Variants in AAAS observed in about 807,000 individuals in gnomAD.
AAAS encodes the protein aladin.
AAAS carries 60 observed loss-of-function variants against 75.6 expected under a neutral mutation model. The ratio of observed to expected loss-of-function variants is 0.79; its 90% confidence interval spans 0.64 to 0.98. The LOEUF (loss-of-function observed/expected upper bound fraction) is 0.98. Among genes scored for constraint, AAAS ranks in the 50% least tolerant of loss-of-function variants. The probability of loss-of-function intolerance (pLI) is 0.00; values close to 1 mark genes in which losing one functional copy is unlikely to be tolerated. For synonymous variants in AAAS, 271 were observed against 265.0 expected (o/e 1.02, Z -0.22); for missense variants, 658 against 686.9 (o/e 0.96, Z 0.47).
intron 2 of AAAS, among the ~76,000 whole-genome samples, chr12:53,318,530 A>T (rs1208840530): frequency 1.3e-5 from 2 of 152,116 alleles, no homozygotes; most frequent in African/African-American, 4.8e-5. Flanking sequence ...GCATTTTTAG[A>T]TGAGAGAACA....
rs149864679 is a variant in AAAS, at chr12:53,321,595, G to C, written c.-130C>G. On this transcript the variant is annotated 5_prime_UTR_variant, in exon 1 of 16. Coordinates refer to ENST00000209873, the MANE Select transcript of AAAS (RefSeq NM_015665.6). ...TACCGCAAGGGACAAACGGCGAGGCGGAACTCAACGGAAGTGAAGAAAAGA... is the reference window on the plus strand; with the variant it reads ...TACCGCAAGGGACAAACGGCGAGGCCGAACTCAACGGAAGTGAAGAAAAGA... 8 of 1,489,560 alleles carry C rather than the reference G, an allele frequency of 5.4e-6. No homozygotes were observed. The highest frequency in any genetic ancestry group is 7.4e-6 in the Non-Finnish European group (8 of 1,082,436). The allele number at this position is 1,489,560 out of a possible 1,614,324, so 92.3% of individuals were successfully genotyped here.
intron 7 of AAAS, among the ~76,000 whole-genome samples, chr12:53,312,826 A>ACATATATATGTGTAT (rs1332423969): frequency 1.7e-5 from 2 of 116,048 alleles, no homozygotes; most frequent in Admixed American, 1.9e-4. Context: ...TATATATATA[A>ACATATATATGTGTAT]AACATATATG....
intron 14 of AAAS, 32 bp downstream of exon 14, chr12:53,308,020 A>G: frequency 6.2e-7 from 1 of 1,613,834 alleles, no homozygotes; most frequent in South Asian, 1.1e-5. Context: ...GCTGGTGAGA[A>G]GTCCAGACCT....
At chr12:53,310,326 G>A (rs771677824) in intron 7 of AAAS, among the ~76,000 whole-genome samples, 1 of 152,158 alleles carries the variant, frequency 6.6e-6, no homozygotes, top group East Asian at 1.9e-4. Context: ...TTGGGAGGCC[G>A]AGGTGGGCGG....
chr12:53,317,235 C>A (rs1944476530), intron 2 of AAAS, among the ~76,000 whole-genome samples: 1 of 151,512 alleles, frequency 6.6e-6, no homozygotes, highest in African/African-American at 2.4e-5. Context: ...CCAGCCTGGT[C>A]AAGATGGTGA....
chr12:53,321,436 TGGA>T lies in AAAS; in HGVS notation c.27_29del (p.Pro12del). 1 of 1,614,020 alleles carries T rather than the reference TGGA, an allele frequency of 6.2e-7. No homozygotes were observed. Among genetic ancestry groups the T allele is most frequent in the Non-Finnish European group, 8.5e-7 (1 of 1,180,018 alleles). On this transcript the variant is annotated inframe_deletion, in exon 1 of 16. Coordinates refer to ENST00000209873, the MANE Select transcript of AAAS (RefSeq NM_015665.6). ...ATAGGGTGACTTGACCCCGAGGCGG[TGGA>T]GGAGGGAACAACCCCAGAGAGCACA...
At chr12:53,309,963 G>A in intron 7 of AAAS, 1 of 586,786 alleles carries the variant, frequency 1.7e-6, no homozygotes, top group East Asian at 3.1e-5. Context: ...CTCAGGCCAG[G>A]GTGAAAGAGT....
At chr12:53,314,706 G>C in intron 6 of AAAS, 45 bp downstream of exon 6, 1 of 1,578,454 alleles carries the variant, frequency 6.3e-7, no homozygotes, top group Non-Finnish European at 8.7e-7. Flanking sequence ...GGCAAGGGAA[G>C]GTGATATTGA....
intron 7 of AAAS, among the ~76,000 whole-genome samples, chr12:53,312,564 T>C (rs1592516194): frequency 4.5e-5 from 1 of 22,220 alleles, no homozygotes; most frequent in Non-Finnish European, 2.2e-4. Flanking sequence ...AAACTCCTTC[T>C]CAAAAAAAAA....
chr12:53,312,821 A>G lies in AAAS; in HGVS notation c.689+1477T>C, dbSNP rs192977208. On this transcript the variant is annotated intron_variant, in intron 7 of 15. Transcript: ENST00000209873. Reference sequence around the variant, plus strand: ...TATACGTGTATATATATGTGTATATATATAAAACATATATGTGTGTGTGTG... The same window carrying G: ...TATACGTGTATATATATGTGTATATGTATAAAACATATATGTGTGTGTGTG... Among the ~76,000 whole-genome samples the G allele has an allele frequency of 2.1e-3, 308 of 145,114 alleles. 3 individuals are homozygous for G. Among genetic ancestry groups the G allele is most frequent in the African/African-American group, 7.7e-3 (299 of 38,974 alleles).
chr12:53,315,199 A>G (rs1944443483), intron 4 of AAAS, 59 bp from the exon 5 acceptor site: 5 of 1,604,384 alleles, frequency 3.1e-6, no homozygotes, highest in Non-Finnish European at 4.3e-6. Flanking sequence ...TCTCCTCAAT[A>G]TTCCAACAGG....
At position 53,321,445 on chromosome 12, in the gene AAAS, G is replaced by C. The variant is rs543347398; in HGVS notation, c.21C>G (p.Phe7Leu). The change falls in exon 1 of 16, where the codon TTC (phenylalanine) becomes TTG (leucine). Residue 7 changes from phenylalanine (F) to leucine (L), a missense_variant. Transcript: ENST00000209873. The part of the protein sequence containing the change: MCSLGL[F>L]PPPPPRGQVT... ...CTTGACCCCGAGGCGGTGGAGGAGG[G>C]AACAACCCCAGAGAGCACATCTTGC... is the stretch of plus-strand genomic sequence containing the variant. 4.3e-6 allele frequency: 7 copies of C among 1,614,176 alleles called. No individual in the cohort carries two copies. In the East Asian group the frequency reaches 1.3e-4, roughly 31 times the overall value.
At chr12:53,315,706 G>A (rs749751250) in intron 3 of AAAS, 21 bp downstream of exon 3, 2 of 1,612,518 alleles carry the variant, frequency 1.2e-6, no homozygotes, top group Non-Finnish European at 8.5e-7. Context: ...ACTAGGGAAG[G>A]CTGGAGGGAA....
intron 7 of AAAS, among the ~76,000 whole-genome samples, chr12:53,313,861 C>CA (rs990134934): frequency 2.0e-5 from 3 of 152,058 alleles, no homozygotes; most frequent in Non-Finnish European, 4.4e-5. Flanking sequence ...CAACCGCCTC[C>CA]ACATCCCAAA....
At chr12:53,320,950 T>C in intron 1 of AAAS, 1 of 552,202 alleles carries the variant, frequency 1.8e-6, no homozygotes, top group Non-Finnish European at 3.2e-6. Flanking sequence ...TCAGCCTCTT[T>C]CTTACATAGC....
intron 5 of AAAS, 24 bp downstream of exon 5, chr12:53,315,070 A>G: frequency 6.2e-7 from 1 of 1,613,882 alleles, no homozygotes; most frequent in Non-Finnish European, 8.5e-7. Context: ...CCTTTCCACA[A>G]AGCTCCAGGG....
intron 7 of AAAS, among the ~76,000 whole-genome samples, chr12:53,312,992 G>C (rs976357867): frequency 1.5e-4 from 22 of 151,366 alleles, no homozygotes; most frequent in Admixed American, 9.9e-4. Flanking sequence ...AAGTAGCTGA[G>C]ACTACAGGCG....
At chr12:53,312,752 C>A (rs1944407301) in intron 7 of AAAS, among the ~76,000 whole-genome samples, 1 of 148,884 alleles carries the variant, frequency 6.7e-6, no homozygotes, top group Admixed American at 6.7e-5. Context: ...CTTCTTTATT[C>A]ATATATATAC....
chr12:53,308,834 A>T lies in AAAS; in HGVS notation c.997-19T>A, dbSNP rs774292706. 2 of 1,613,882 alleles carry T rather than the reference A, an allele frequency of 1.2e-6. No individual in the cohort carries two copies. The highest frequency in any genetic ancestry group is 2.2e-5 in the East Asian group (1 of 44,886). ...AGCCAGTCTGGGGTCAGGGAGCAAAAGGCAGGAGAAGGTATGTCTATAGTA... is the reference window on the plus strand; with the variant it reads ...AGCCAGTCTGGGGTCAGGGAGCAAATGGCAGGAGAAGGTATGTCTATAGTA... On this transcript the variant is annotated intron_variant, in intron 10 of 15. Transcript: ENST00000209873.
Sources: allele counts gnomAD v4.1 joint callset (sites outside exome capture counted in the v4.1 genomes callset), GRCh38; gene constraint gnomAD v4.1.1; transcripts MANE v1.5; gene names NCBI Gene and HGNC (gene_info 2026-07-23, HGNC 2026-07-21).